The following CELF2 variants were observed in gnomAD, a reference collection of about 807,000 sequenced individuals.
CELF2 encodes CUGBP Elav-like family member 2.
CELF2 carries 8 observed loss-of-function variants against 62.6 expected under a neutral mutation model. That is an observed-to-expected ratio of 0.13 (90% CI 0.07 to 0.23). The LOEUF is 0.23. Ranked by LOEUF, CELF2 falls within the 10% of genes least tolerant of loss-of-function variation. CELF2 has a pLI of 1.00. For missense variants in CELF2, 333 were observed against 671.0 expected, an observed-to-expected ratio of 0.50 and a Z score of 5.56; for synonymous variants, 258 against 250.0, an observed-to-expected ratio of 1.03 and a Z score of -0.30.
At chr10:10,546,309 G>C in the CELF2 span, among the ~76,000 whole-genome samples, 2 of 152,126 alleles carry the variant, frequency 1.3e-5, no homozygotes, top group African/African-American at 4.8e-5. Context: ...ACCGAATTCT[G>C]ATAAGGCATG....
intron 1 of CELF2, among the ~76,000 whole-genome samples, chr10:11,123,456 C>G (rs1203675004): frequency 6.6e-6 from 1 of 152,040 alleles, no homozygotes; most frequent in African/African-American, 2.4e-5. Context: ...TGGCTATGTT[C>G]CCCAGCTGGT....
intron 1 of CELF2, among the ~76,000 whole-genome samples, chr10:10,866,009 T>G (rs1309461829): frequency 1.3e-5 from 2 of 151,988 alleles, no homozygotes; most frequent in Non-Finnish European, 2.9e-5. Context: ...GGTGCGTGTG[T>G]GGGGGTAGAT....
chr10:11,176,787 C>T (rs1183002260), intron 2 of CELF2, among the ~76,000 whole-genome samples: 3 of 152,120 alleles, frequency 2.0e-5, no homozygotes, highest in African/African-American at 4.8e-5. Context: ...ATCAACAAGG[C>T]GTTACTTTTG....
intron 8 of CELF2, among the ~76,000 whole-genome samples, chr10:11,282,623 G>A (rs1456222455): frequency 6.6e-6 from 1 of 152,230 alleles, no homozygotes; most frequent in Non-Finnish European, 1.5e-5. Flanking sequence ...CATTGTTTGA[G>A]CTTTCTATGT....
the CELF2 span, among the ~76,000 whole-genome samples, chr10:10,639,680 C>G: frequency 6.6e-6 from 1 of 152,114 alleles, no homozygotes; most frequent in African/African-American, 2.4e-5. Flanking sequence ...CTAATAATGT[C>G]TTTTTTATGT....
intron 2 of CELF2, among the ~76,000 whole-genome samples, chr10:11,193,372 C>T (rs1394383060): frequency 6.6e-6 from 1 of 152,236 alleles, no homozygotes; most frequent in African/African-American, 2.4e-5. Flanking sequence ...TCACACATTT[C>T]TGTGAATGTG....
intron 11 of CELF2, among the ~76,000 whole-genome samples, chr10:11,323,554 C>G (rs771877468): frequency 6.6e-6 from 1 of 152,120 alleles, no homozygotes; most frequent in South Asian, 2.1e-4. Flanking sequence ...TCTGATGGCC[C>G]GCCTCTGTCC....
In CELF2 at chr10:11,272,139, A is replaced by G. The variant is rs192468383; in HGVS notation, c.777+1315A>G. 1.7e-3 allele frequency among the ~76,000 whole-genome samples: 253 copies of G among 152,330 alleles called. 3 individuals are homozygous for G. The East Asian group carries it at 0.025, about 15-fold the overall frequency. On this transcript the variant is annotated intron_variant, in intron 7 of 12. Coordinates refer to ENST00000633077, the MANE Select transcript of CELF2 (RefSeq NM_001326342.2). ...GTACATATTTGATGAATGAATGAGA[A>G]GCATCCTTTTCCTGTCTTCCTCTGT...
At chr10:10,733,508 TG>T in the CELF2 span, among the ~76,000 whole-genome samples, 1 of 152,118 alleles carries the variant, frequency 6.6e-6, no homozygotes, top group African/African-American at 2.4e-5. Flanking sequence ...TCAAGTTTCA[TG>T]GGGCCTGTAT....
Position 11,314,119 on chromosome 10 carries a change from C to G in CELF2, c.977-20C>G. 1.4e-6 allele frequency: 2 copies of G among 1,466,540 alleles called. No individual in the cohort carries two copies. The highest frequency in any genetic ancestry group is 1.8e-6 in the Non-Finnish European group (2 of 1,112,170). 90.8% of individuals were successfully genotyped at this position (1,466,540 alleles called of 1,614,324 possible). A position where few individuals can be genotyped will look rare whatever the true frequency, so the allele number is the denominator to read the frequency against. On this transcript the variant is annotated intron_variant, in intron 9 of 12. Transcript: ENST00000633077. The surrounding 1 kb of genome is among the most constrained non-coding windows in gnomAD (Gnocchi z 5.3). Reference sequence around the variant, plus strand: ...CACCTCGTGTCTTCTCTCCCCTTGTCTCTGTTTTCCTTTTTTCAGTGGCTG... The same window carrying G: ...CACCTCGTGTCTTCTCTCCCCTTGTGTCTGTTTTCCTTTTTTCAGTGGCTG...
At chr10:10,899,292 T>C (rs1247248362) in intron 1 of CELF2, among the ~76,000 whole-genome samples, 1 of 152,142 alleles carries the variant, frequency 6.6e-6, no homozygotes, top group Non-Finnish European at 1.5e-5. Flanking sequence ...TGCTGATTCT[T>C]TGAGAATATT....
In CELF2 at chr10:11,305,198, A is replaced by G. The variant is rs1000267460; in HGVS notation, c.977-8941A>G. Among the ~76,000 whole-genome samples the G allele has an allele frequency of 1.3e-5, 2 of 152,048 alleles. No homozygotes were observed. The highest frequency in any genetic ancestry group is 2.9e-5 in the Non-Finnish European group (2 of 67,952). The stretch of plus-strand genomic sequence containing the variant: ...GGTCCAGGTTATCCACATAGCAGAG[A>G]AAAGAACTTTTTTCTGGAAAGTGGA... On this transcript the variant is annotated intron_variant, in intron 9 of 12. Transcript: ENST00000633077. This position sits in a 1 kb window ranked among gnomAD's most constrained non-coding sequence, Gnocchi z 4.8.
At chr10:10,664,343 T>C in the CELF2 span, among the ~76,000 whole-genome samples, 1 of 152,184 alleles carries the variant, frequency 6.6e-6, no homozygotes, top group Admixed American at 6.5e-5. Context: ...AAAATGAATA[T>C]AGAAATATAA....
At chr10:10,779,767 T>C in the CELF2 span, among the ~76,000 whole-genome samples, 1 of 152,154 alleles carries the variant, frequency 6.6e-6, no homozygotes, top group Non-Finnish European at 1.5e-5. Context: ...AATGCTAAAG[T>C]GCAGTCAGTA....
intron 1 of CELF2, among the ~76,000 whole-genome samples, chr10:11,065,125 A>C (rs1377259508): frequency 6.6e-6 from 1 of 152,234 alleles, no homozygotes; most frequent in Non-Finnish European, 1.5e-5. Context: ...TCCTTTCATA[A>C]CTTAAGGAGC....
intron 4 of CELF2, among the ~76,000 whole-genome samples, chr10:11,250,546 G>C (rs2255748): frequency 0.8 from 121,374 of 152,138 alleles, 49,257 homozygotes; most frequent in East Asian, 0.91. Context: ...CCTGTAGTCA[G>C]CAGTTGTTCA....
chr10:11,275,062 G>C lies in CELF2; in HGVS notation c.783G>C (p.Leu261=). The C allele has an allele frequency of 1.2e-6, 2 of 1,614,130 alleles. No individual in the cohort carries two copies. The highest frequency in any genetic ancestry group is 1.7e-6 in the Non-Finnish European group (2 of 1,180,006). The change falls in exon 8 of 13, where the codon CTG becomes CTC. Residue 261 remains leucine, a synonymous_variant. Transcript: ENST00000633077. ...CCTTGTGTGTTCATCCGCAGCTCCT[G>C]CAGCAGGCCACCTCCTCCAGCAACC... ...GGLTPQYLAL[L]QQATSSSNLG...
At position 11,294,498 on chromosome 10, in the gene CELF2, T is replaced by C. The variant is rs149812847; in HGVS notation, c.976+5946T>C. ...CTTACACCCATCTTTTGTCATTGTT[T>C]ATTCTTAAGAGAAAGAAGGAAATCT... is the stretch of plus-strand genomic sequence containing the variant. On this transcript the variant is annotated intron_variant, in intron 9 of 12. Transcript: ENST00000633077. Among the ~76,000 whole-genome samples the C allele has an allele frequency of 2.6e-5, 4 of 152,334 alleles. No homozygotes were observed. In the East Asian group the frequency reaches 7.7e-4, roughly 29 times the overall value.
intron 1 of CELF2, among the ~76,000 whole-genome samples, chr10:10,818,546 C>CTT (rs3028992): frequency 6.0e-5 from 7 of 116,526 alleles, no homozygotes; most frequent in Admixed American, 9.4e-5. Context: ...TAAATATTTC[C>CTT]TTTTTTTTTT....
Sources: allele counts gnomAD v4.1 joint callset (sites outside exome capture counted in the v4.1 genomes callset), GRCh38; gene constraint gnomAD v4.1.1; non-coding constraint Gnocchi (gnomAD v3.1); transcripts MANE v1.5; gene names NCBI Gene and HGNC (gene_info 2026-07-23, HGNC 2026-07-21).